FAR2: variants seen among roughly 807,000 people sequenced by gnomAD.
FAR2 encodes the protein epididymis secretory protein Li 81.
FAR2 carries 19 observed loss-of-function variants against 56.0 expected under a neutral mutation model. That is an observed-to-expected ratio of 0.34 (90% confidence interval 0.24 to 0.50). FAR2 has a LOEUF of 0.50. Ranked by LOEUF, FAR2 falls within the 20% of genes least tolerant of loss-of-function variation. The probability of loss-of-function intolerance (pLI) is 0.98; values close to 1 mark genes in which losing one functional copy is unlikely to be tolerated. For missense variants in FAR2, 508 were observed against 642.2 expected, an observed-to-expected ratio of 0.79 and a Z score of 2.26; for synonymous variants, 219 against 218.8, an observed-to-expected ratio of 1.00 and a Z score of -0.01.
chr12:29,281,982 A>G (rs1489939949), intron 2 of FAR2, among the ~76,000 whole-genome samples: 2 of 152,232 alleles, frequency 1.3e-5, no homozygotes, highest in Non-Finnish European at 2.9e-5. Context: ...TGAGTCTTAA[A>G]TTAGGAATGC....
intron 4 of FAR2, among the ~76,000 whole-genome samples, chr12:29,307,163 G>A (rs1242310711): frequency 1.3e-5 from 2 of 152,126 alleles, no homozygotes; most frequent in African/African-American, 4.8e-5. Flanking sequence ...GAATGACTGG[G>A]ACTCAAATAT....
intron 1 of FAR2, among the ~76,000 whole-genome samples, chr12:29,257,119 G>A (rs1030989785): frequency 9.8e-5 from 15 of 152,366 alleles, no homozygotes; most frequent in Non-Finnish European, 1.8e-4. Flanking sequence ...GTCTGGTGGG[G>A]ACGTGGAGAA....
chr12:29,224,670 A>G (rs1240661341), intron 1 of FAR2, among the ~76,000 whole-genome samples: 6 of 152,142 alleles, frequency 3.9e-5, no homozygotes, highest in South Asian at 2.1e-4. Context: ...TCATTCCACA[A>G]ACATTTTACT....
intron 8 of FAR2, among the ~76,000 whole-genome samples, chr12:29,312,937 G>A (rs530972446): frequency 1.3e-5 from 2 of 152,080 alleles, no homozygotes; most frequent in East Asian, 3.9e-4. Context: ...GAAAATACCT[G>A]GCATGCAGGT....
At chr12:29,209,423 C>T (rs1447997714) in intron 1 of FAR2, among the ~76,000 whole-genome samples, 3 of 152,164 alleles carry the variant, frequency 2.0e-5, no homozygotes, top group African/African-American at 7.2e-5. Flanking sequence ...ACCTGTTCAG[C>T]TCATAAAGTG....
rs533292927 is a variant in FAR2, at chr12:29,168,737, T to C, written c.-39+19330T>C. 1.6e-4 allele frequency among the ~76,000 whole-genome samples: 24 copies of C among 152,284 alleles called. 1 individual carries two copies. In the South Asian group the frequency reaches 5.0e-3, roughly 32 times the overall value. ...ACGTTCGTGATGAGTGTCACAGCTC[T>C]TAAAGGTGGTGTGGACCCAAAGAGT... On this transcript the variant is annotated intron_variant, in intron 1 of 11. Coordinates refer to ENST00000536681, the MANE Select transcript of FAR2 (RefSeq NM_001271783.2).
At position 29,270,523 on chromosome 12, in the gene FAR2, T is replaced by G; in HGVS notation, c.74T>G (p.Val25Gly). Residue 25 changes from valine to glycine, a missense_variant, in exon 2 of 12, where the codon GTG becomes GGG. Physicochemically the swap from Val to Gly is moderately radical, Grantham distance 109. Coordinates refer to ENST00000536681, the MANE Select transcript of FAR2 (RefSeq NM_001271783.2). ...ITGATGFLGK[V>G]LMEKLFRTSP... is the part of the protein sequence containing the mutation. ...GGGGCCACAGGCTTTCTGGGCAAAG[T>G]GCTGATGGAGAAGCTGTTTCGCACC... 6.2e-7 allele frequency: 1 copy of G among 1,613,848 alleles called. No homozygotes were observed. Among genetic ancestry groups the G allele is most frequent in the Non-Finnish European group, 8.5e-7 (1 of 1,179,798 alleles).
intron 1 of FAR2, among the ~76,000 whole-genome samples, chr12:29,164,638 G>A (rs576862591): frequency 8.5e-5 from 13 of 152,294 alleles, no homozygotes; most frequent in South Asian, 4.1e-4. Context: ...AGGGAAGAAC[G>A]GAGGGGAGAG....
chr12:29,261,584 A>G (rs116026984), intron 1 of FAR2, among the ~76,000 whole-genome samples: 2,099 of 152,322 alleles, frequency 0.014, 42 homozygotes, highest in African/African-American at 0.048. Flanking sequence ...TAGAACACCA[A>G]GTAGCTTTAG....
At chr12:29,169,688 C>T (rs763018984) in intron 1 of FAR2, among the ~76,000 whole-genome samples, 18 of 152,202 alleles carry the variant, frequency 1.2e-4, no homozygotes, top group Admixed American at 3.9e-4. Flanking sequence ...TAGGCCTTGG[C>T]GGTTTTGGAG....
At chr12:29,188,347 A>G (rs887119300) in intron 1 of FAR2, among the ~76,000 whole-genome samples, 1 of 151,990 alleles carries the variant, frequency 6.6e-6, no homozygotes, top group Non-Finnish European at 1.5e-5. Context: ...TTCTCATTTT[A>G]TGTTCATTTG....
chr12:29,321,727 CA>C (rs1949555120), intron 9 of FAR2, 67 bp from the exon 10 acceptor site: 1 of 1,505,022 alleles, frequency 6.6e-7, no homozygotes, highest in Admixed American at 2.2e-5. Context: ...AATAATTTCT[CA>C]TACATCCCTG....
chr12:29,259,806 T>C (rs1948386702), intron 1 of FAR2, among the ~76,000 whole-genome samples: 1 of 152,218 alleles, frequency 6.6e-6, no homozygotes, highest in South Asian at 2.1e-4. Context: ...ACTCTCTTTT[T>C]TCTTTTTTTC....
At chr12:29,183,822 A>G (rs1443317968) in intron 1 of FAR2, among the ~76,000 whole-genome samples, 2 of 152,212 alleles carry the variant, frequency 1.3e-5, no homozygotes, top group Non-Finnish European at 2.9e-5. Flanking sequence ...TTCATTTATC[A>G]AGCACAATCA....
intron 2 of FAR2, among the ~76,000 whole-genome samples, chr12:29,283,799 C>T (rs1288900737): frequency 6.6e-6 from 1 of 152,132 alleles, no homozygotes; most frequent in East Asian, 1.9e-4. Context: ...GGAAAATATG[C>T]TCATGTAATT....
chr12:29,334,661 TGGTC>T lies in FAR2; in HGVS notation c.*868_*871del, dbSNP rs1949773623. ...TTAGAGTGGTCAACAGGGAGAGGGA[TGGTC>T]CCATTTGATCTTTGCCACTGAGCAA... is the stretch of plus-strand genomic sequence containing the variant. On this transcript the variant is annotated 3_prime_UTR_variant, in exon 12 of 12. Transcript: ENST00000536681. 6.6e-6 allele frequency: 1 copy of T among 152,178 alleles called. No homozygotes were observed. Among genetic ancestry groups the T allele is most frequent in the South Asian group, 2.1e-4 (1 of 4,830 alleles). 9.4% of individuals were successfully genotyped at this position (152,178 alleles called of 1,614,324 possible). A position where few individuals can be genotyped will look rare whatever the true frequency, so the allele number is the denominator to read the frequency against.
chr12:29,290,137 C>T (rs1375696851), intron 2 of FAR2, among the ~76,000 whole-genome samples: 1 of 152,092 alleles, frequency 6.6e-6, no homozygotes, highest in Non-Finnish European at 1.5e-5. Context: ...TTGCATGTTC[C>T]TCAAAAAACA....
chr12:29,323,371 T>C (rs1021911639), intron 10 of FAR2, among the ~76,000 whole-genome samples: 1 of 152,168 alleles, frequency 6.6e-6, no homozygotes, highest in East Asian at 1.9e-4. Flanking sequence ...GTCTTAAATG[T>C]CCCTGTCTGA....
intron 2 of FAR2, among the ~76,000 whole-genome samples, chr12:29,284,416 G>C (rs1286788281): frequency 6.6e-6 from 1 of 152,176 alleles, no homozygotes; most frequent in Admixed American, 6.5e-5. Context: ...CAGTAAGTGG[G>C]TTTATAAACA....
Sources: allele counts gnomAD v4.1 joint callset (sites outside exome capture counted in the v4.1 genomes callset), GRCh38; gene constraint gnomAD v4.1.1; transcripts MANE v1.5; gene names NCBI Gene and HGNC (gene_info 2026-07-23, HGNC 2026-07-21).